Variants in RAB2A observed in about 807,000 individuals in gnomAD.
The protein encoded by RAB2A is RAB2A, member RAS oncogene family, also known as ras-related protein Rab-2A.
A neutral mutation model predicts 32.5 loss-of-function variants in RAB2A; 7 were observed. The ratio of observed to expected loss-of-function variants is 0.22; its 90% CI spans 0.12 to 0.40. The LOEUF is 0.40. Among genes scored for constraint, RAB2A ranks in the 10% least tolerant of loss-of-function variants. The pLI, the probability that RAB2A is intolerant of heterozygous loss-of-function variation, is 1.00. For missense variants in RAB2A, 108 were observed against 260.7 expected, an observed-to-expected ratio of 0.41 and a Z score of 4.03; for synonymous variants, 79 against 85.2, an observed-to-expected ratio of 0.93 and a Z score of 0.40.
At chr8:60,619,767 A>AT (rs2150440316) in intron 7 of RAB2A, among the ~76,000 whole-genome samples, 1 of 152,308 alleles carries the variant, frequency 6.6e-6, no homozygotes, top group East Asian at 1.9e-4. Flanking sequence ...ACTGTGCCTT[A>AT]TGCAGCTTTG....
intron 3 of RAB2A, among the ~76,000 whole-genome samples, chr8:60,579,153 C>T (rs1454108457): frequency 6.6e-6 from 1 of 152,180 alleles, no homozygotes; most frequent in East Asian, 1.9e-4. Context: ...AGTGATTCTC[C>T]TGCCTCAGCC....
At chr8:60,588,008 A>G (rs1199854219) in intron 5 of RAB2A, among the ~76,000 whole-genome samples, 1 of 152,182 alleles carries the variant, frequency 6.6e-6, no homozygotes, top group Non-Finnish European at 1.5e-5. Context: ...TTGGAAAACA[A>G]TTTGGTAGTT....
In RAB2A at chr8:60,563,587, G is replaced by GTGA. The variant is rs1371492208; in HGVS notation, c.118+4666_118+4668dup. ...CAGTGGCTTTACTTCTCCCCGCCGT[G>GTGA]TGATCTTGGTTCCACCCTGCTTCAG... On this transcript the variant is annotated intron_variant, in intron 2 of 7. Coordinates refer to ENST00000262646, the MANE Select transcript of RAB2A (RefSeq NM_002865.3). Among the ~76,000 whole-genome samples, 7 of 152,272 alleles carry GTGA rather than the reference G, an allele frequency of 4.6e-5. No individual in the cohort carries two copies. The East Asian group carries it at 1.3e-3, about 29-fold the overall frequency.
chr8:60,565,360 A>G (rs542299928), intron 2 of RAB2A, among the ~76,000 whole-genome samples: 135 of 149,636 alleles, frequency 9.0e-4, no homozygotes, highest in Admixed American at 3.0e-3. Context: ...TTAAGGCTGC[A>G]GTGAGCCATG....
intron 3 of RAB2A, among the ~76,000 whole-genome samples, chr8:60,577,271 A>G (rs2130844031): frequency 6.6e-6 from 1 of 151,462 alleles, no homozygotes; most frequent in Non-Finnish European, 1.5e-5. Context: ...CTGGTCAGAA[A>G]CTCCTGGGCT....
At chr8:60,527,142 C>T (rs1807404711) in intron 1 of RAB2A, among the ~76,000 whole-genome samples, 1 of 151,574 alleles carries the variant, frequency 6.6e-6, no homozygotes, top group Non-Finnish European at 1.5e-5. Context: ...CATGTCAGAC[C>T]AGGAAAGAGA....
At chr8:60,593,154 CAT>C (rs1803969299) in intron 6 of RAB2A, among the ~76,000 whole-genome samples, 2 of 152,178 alleles carry the variant, frequency 1.3e-5, no homozygotes, top group Non-Finnish European at 2.9e-5. Flanking sequence ...ATTATACAGT[CAT>C]GTGTTGCTTG....
At chr8:60,610,520 A>G (rs1212608176) in intron 6 of RAB2A, among the ~76,000 whole-genome samples, 1 of 152,216 alleles carries the variant, frequency 6.6e-6, no homozygotes, top group Non-Finnish European at 1.5e-5. Context: ...TGTTAAGCCC[A>G]TGGATGCATA....
intron 7 of RAB2A, chr8:60,619,205 G>A (rs1804493920): frequency 6.6e-6 from 1 of 151,634 alleles, no homozygotes; most frequent in African/African-American, 2.4e-5. Flanking sequence ...ATCCTGTTTT[G>A]GTCAACATGA....
intron 1 of RAB2A, among the ~76,000 whole-genome samples, chr8:60,548,871 T>C (rs1586075770): frequency 6.6e-6 from 1 of 151,012 alleles, no homozygotes; most frequent in African/African-American, 2.4e-5. Flanking sequence ...GAGACGCTCC[T>C]CACTTCTCAG....
At chr8:60,598,936 G>GAAAAAAAAAAAAAA (rs1491559470) in intron 6 of RAB2A, among the ~76,000 whole-genome samples, 1 of 3,494 alleles carries the variant, frequency 2.9e-4, no homozygotes, top group Non-Finnish European at 8.4e-4. Context: ...GTGCAGTAAA[G>GAAAAAAAAAAAAAA]CAAAAAAAAA....
chr8:60,548,667 C>A (rs1405536725), intron 1 of RAB2A, among the ~76,000 whole-genome samples: 1 of 146,820 alleles, frequency 6.8e-6, no homozygotes, highest in African/African-American at 2.6e-5. Context: ...CCCTCCCGGA[C>A]GGAGTGGCTG....
Position 60,591,984 on chromosome 8 carries a change from C to G in RAB2A, c.474+15C>G. The G allele has an allele frequency of 7.0e-7, 1 of 1,433,172 alleles. No individual in the cohort carries two copies. Among genetic ancestry groups the G allele is most frequent in the Non-Finnish European group, 9.7e-7 (1 of 1,034,426 alleles). The allele number at this position is 1,433,172 out of a possible 1,614,324, so 88.8% of individuals were successfully genotyped here. A position where few individuals can be genotyped will look rare whatever the true frequency, so the allele number is the denominator to read the frequency against. On this transcript the variant is annotated intron_variant, in intron 6 of 7. Coordinates refer to ENST00000262646, the MANE Select transcript of RAB2A (RefSeq NM_002865.3). Reference sequence around the variant, plus strand: ...ATGTAGAAGAGGTAAATAAGAGGCCCTTTAAAATCTTCATCTTTATACTTA... The same window carrying G: ...ATGTAGAAGAGGTAAATAAGAGGCCGTTTAAAATCTTCATCTTTATACTTA...
chr8:60,579,217 A>G (rs181255571), intron 3 of RAB2A, among the ~76,000 whole-genome samples: 40 of 152,068 alleles, frequency 2.6e-4, no homozygotes, highest in Admixed American at 5.9e-4. Context: ...TAATTTTTGT[A>G]TTTTTTGTAG....
intron 1 of RAB2A, among the ~76,000 whole-genome samples, chr8:60,528,425 C>G (rs920850463): frequency 6.6e-6 from 1 of 152,092 alleles, no homozygotes; most frequent in African/African-American, 2.4e-5. Flanking sequence ...CAAATCTGAC[C>G]AGTGCTGTAT....
intron 1 of RAB2A, among the ~76,000 whole-genome samples, chr8:60,533,610 G>C (rs900931661): frequency 6.6e-6 from 1 of 152,120 alleles, no homozygotes; most frequent in East Asian, 1.9e-4. Flanking sequence ...ATGAAGGCTT[G>C]GAAGATGGAG....
intron 1 of RAB2A, among the ~76,000 whole-genome samples, chr8:60,533,944 C>T (rs1807518560): frequency 6.6e-6 from 1 of 151,788 alleles, no homozygotes; most frequent in African/African-American, 2.4e-5. Flanking sequence ...GCCTGGGCGA[C>T]AGAGCAAGAC....
At chr8:60,591,213 A>G (rs1157138850) in intron 5 of RAB2A, among the ~76,000 whole-genome samples, 1 of 151,540 alleles carries the variant, frequency 6.6e-6, no homozygotes, top group African/African-American at 2.4e-5. Context: ...AAATTCTAGT[A>G]TGATAAAAAT....
At chr8:60,552,417 T>G (rs979605004) in intron 1 of RAB2A, 1 of 152,190 alleles carries the variant, frequency 6.6e-6, no homozygotes, top group Non-Finnish European at 1.5e-5. Flanking sequence ...GGATTACAGG[T>G]GTGAGCCACC....
Sources: allele counts gnomAD v4.1 joint callset (sites outside exome capture counted in the v4.1 genomes callset), GRCh38; gene constraint gnomAD v4.1.1; transcripts MANE v1.5; gene names NCBI Gene and HGNC (gene_info 2026-07-23, HGNC 2026-07-21).